GPHN: variants seen among roughly 807,000 people sequenced by gnomAD.
GPHN encodes the protein gephyrin.
In GPHN, 17 loss-of-function variants were observed where a neutral mutation model predicts 95.5. That is an observed-to-expected ratio of 0.18 (90% CI 0.12 to 0.27). GPHN has a LOEUF of 0.27. Among genes scored for constraint, GPHN ranks in the 10% least tolerant of loss-of-function variants. GPHN has a pLI of 1.00. For missense variants in GPHN, 660 were observed against 978.1 expected, an observed-to-expected ratio of 0.67 and a Z score of 4.34; for synonymous variants, 320 against 322.5, an observed-to-expected ratio of 0.99 and a Z score of 0.08.
chr14:67,009,979 G>A (rs952774379), intron 9 of GPHN, among the ~76,000 whole-genome samples: 4 of 151,684 alleles, frequency 2.6e-5, no homozygotes, highest in Non-Finnish European at 4.4e-5. Context: ...GCCTGGTCTC[G>A]AACTCCTGAC....
At chr14:66,956,722 T>C (rs1015399110) in intron 8 of GPHN, among the ~76,000 whole-genome samples, 3 of 152,166 alleles carry the variant, frequency 2.0e-5, no homozygotes, top group African/African-American at 7.2e-5. Flanking sequence ...GCCCACTTTT[T>C]GATGGGGTTG....
the GPHN span, among the ~76,000 whole-genome samples, chr14:67,274,884 A>C: frequency 6.6e-6 from 1 of 152,144 alleles, no homozygotes; most frequent in East Asian, 1.9e-4. Context: ...CTTTGTAGCA[A>C]TTGTGAATGG....
chr14:67,511,464 C>G, the GPHN span, among the ~76,000 whole-genome samples: 3 of 151,714 alleles, frequency 2.0e-5, no homozygotes, highest in Non-Finnish European at 2.9e-5. Context: ...TTCAAAGATG[C>G]TGTCTCTTCT....
At chr14:67,148,792 T>G (rs1391421115) in intron 18 of GPHN, among the ~76,000 whole-genome samples, 1 of 151,556 alleles carries the variant, frequency 6.6e-6, no homozygotes, top group African/African-American at 2.4e-5. Flanking sequence ...GGTCTCGATC[T>G]CCTGACCTCA....
intron 17 of GPHN, among the ~76,000 whole-genome samples, chr14:67,142,635 A>G (rs1316696133): frequency 6.6e-6 from 1 of 152,038 alleles, no homozygotes; most frequent in African/African-American, 2.4e-5. Context: ...TCCCAACATT[A>G]TGAATACCTA....
intron 5 of GPHN, among the ~76,000 whole-genome samples, chr14:66,895,947 T>G (rs1219393405): frequency 6.6e-6 from 1 of 152,140 alleles, no homozygotes; most frequent in Non-Finnish European, 1.5e-5. Flanking sequence ...CAACAGAAAT[T>G]TATTGCTTAC....
chr14:67,480,325 AT>A, the GPHN span, among the ~76,000 whole-genome samples: 5 of 152,120 alleles, frequency 3.3e-5, no homozygotes, highest in Admixed American at 2.6e-4. Flanking sequence ...TCGGGTGGCA[AT>A]AATAACCCCA....
At chr14:67,663,096 G>T in the GPHN span, 2 of 1,506,838 alleles carry the variant, frequency 1.3e-6, no homozygotes, top group Non-Finnish European at 1.8e-6. Flanking sequence ...GCAATGACTT[G>T]AACGATGAGA....
chr14:66,536,843 A>C (rs1436686830), intron 1 of GPHN, among the ~76,000 whole-genome samples: 1 of 150,910 alleles, frequency 6.6e-6, no homozygotes, highest in Non-Finnish European at 1.5e-5. Flanking sequence ...TTTTGAGAGT[A>C]GTGTCTTAAA....
intron 19 of GPHN, among the ~76,000 whole-genome samples, chr14:67,164,787 T>C (rs1183864603): frequency 2.0e-5 from 3 of 152,038 alleles, no homozygotes; most frequent in Non-Finnish European, 2.9e-5. Flanking sequence ...CCACCATGCC[T>C]GGCCAGTCTT....
At chr14:67,353,114 G>T in the GPHN span, 1 of 1,142,180 alleles carries the variant, frequency 8.8e-7, no homozygotes, top group Non-Finnish European at 1.3e-6. Flanking sequence ...CCCCACCAGT[G>T]TTAAAATTAT....
chr14:66,636,467 T>A (rs909196175), intron 1 of GPHN, among the ~76,000 whole-genome samples: 6 of 152,116 alleles, frequency 3.9e-5, no homozygotes, highest in Admixed American at 3.9e-4. Flanking sequence ...ATTCCTTTAT[T>A]TGGCTGTGTC....
At position 66,991,985 on chromosome 14, in the gene GPHN, C is replaced by T. The variant is rs140446957; in HGVS notation, c.963+26660C>T. 9.5e-3 allele frequency among the ~76,000 whole-genome samples: 1,433 copies of T among 151,422 alleles called. 28 individuals are homozygous for T. The highest frequency in any genetic ancestry group is 0.033 in the African/African-American group (1,377 of 41,228). On this transcript the variant is annotated intron_variant, in intron 9 of 22. Coordinates refer to ENST00000478722, the MANE Select transcript of GPHN (RefSeq NM_020806.5). ...ATTTACAAAGAATTTGATTAGTTGA[C>T]GAGCAGTGGGGCCAAAGAGAGCCTA...
At chr14:67,373,353 C>G in the GPHN span, among the ~76,000 whole-genome samples, 2 of 152,010 alleles carry the variant, frequency 1.3e-5, no homozygotes, top group Non-Finnish European at 2.9e-5. Context: ...AAAAAGAATG[C>G]TCAGAATCTG....
chr14:67,099,901 A>T (rs2077601262), intron 12 of GPHN, among the ~76,000 whole-genome samples: 2 of 152,146 alleles, frequency 1.3e-5, no homozygotes, highest in African/African-American at 4.8e-5. Context: ...TTTGCAGATA[A>T]CATGAAGGTA....
the GPHN span, among the ~76,000 whole-genome samples, chr14:67,341,432 G>A: frequency 1.3e-5 from 2 of 151,756 alleles, no homozygotes; most frequent in Admixed American, 6.5e-5. Context: ...GAGCGTCTCC[G>A]CCCAGCAGCC....
chr14:66,583,406 A>C (rs1202518411), intron 1 of GPHN, among the ~76,000 whole-genome samples: 1 of 151,918 alleles, frequency 6.6e-6, no homozygotes, highest in Non-Finnish European at 1.5e-5. Context: ...CCCATTTGTC[A>C]ATTTTGGCTT....
the GPHN span, among the ~76,000 whole-genome samples, chr14:67,607,262 C>T: frequency 6.6e-6 from 1 of 152,188 alleles, no homozygotes; most frequent in Admixed American, 6.5e-5. Context: ...ATAGTACAAC[C>T]AGCTGGCAAG....
At chr14:67,002,506 T>G (rs1400298428) in intron 9 of GPHN, among the ~76,000 whole-genome samples, 2 of 151,340 alleles carry the variant, frequency 1.3e-5, no homozygotes, top group African/African-American at 4.8e-5. Flanking sequence ...TATTAACATT[T>G]TGTCGGTTTT....
Sources: allele counts gnomAD v4.1 joint callset (sites outside exome capture counted in the v4.1 genomes callset), GRCh38; gene constraint gnomAD v4.1.1; transcripts MANE v1.5; gene names NCBI Gene and HGNC (gene_info 2026-07-23, HGNC 2026-07-21).